The following UBE2E2 variants were observed in gnomAD, a reference collection of about 807,000 sequenced individuals.
The protein encoded by UBE2E2 is ubiquitin-conjugating enzyme E2 E2.
UBE2E2 carries 6 observed loss-of-function variants against 24.7 expected under a neutral mutation model. The observed-to-expected ratio is 0.24, with a 90% CI of 0.13 to 0.48. The LOEUF is 0.48. UBE2E2 is among the 20% of genes least tolerant of loss of function. The pLI, the probability that UBE2E2 is intolerant of heterozygous loss-of-function variation, is 0.99. For missense variants in UBE2E2, 169 were observed against 245.0 expected, an observed-to-expected ratio of 0.69 and a Z score of 2.07; for synonymous variants, 104 against 83.6, an observed-to-expected ratio of 1.24 and a Z score of -1.33.
chr3:23,454,989 T>C (rs1459725647), intron 3 of UBE2E2, among the ~76,000 whole-genome samples: 2 of 152,204 alleles, frequency 1.3e-5, no homozygotes, highest in African/African-American at 4.8e-5. Context: ...GGGGACTTGA[T>C]CCCTAAGCAG....
intron 5 of UBE2E2, among the ~76,000 whole-genome samples, chr3:23,579,361 G>A (rs1245683014): frequency 1.3e-5 from 2 of 150,406 alleles, no homozygotes; most frequent in Non-Finnish European, 3.0e-5. Context: ...CTCCAGCCTG[G>A]GCAACAGAGC....
chr3:23,333,241 T>C (rs1372701480), intron 3 of UBE2E2, among the ~76,000 whole-genome samples: 1 of 152,130 alleles, frequency 6.6e-6, no homozygotes, highest in African/African-American at 2.4e-5. Context: ...GAAGAAAGGG[T>C]TCTTTTTCAA....
At chr3:23,477,784 G>A (rs758422468) in intron 3 of UBE2E2, among the ~76,000 whole-genome samples, 8 of 152,298 alleles carry the variant, frequency 5.3e-5, no homozygotes, top group Admixed American at 2.6e-4. Context: ...AATTGTAACC[G>A]CCATAATCGA....
intron 3 of UBE2E2, among the ~76,000 whole-genome samples, chr3:23,377,738 C>A (rs994309611): frequency 6.6e-6 from 1 of 152,204 alleles, no homozygotes; most frequent in Non-Finnish European, 1.5e-5. Context: ...CTCAGTTTAT[C>A]CCCCTTAGGG....
intron 3 of UBE2E2, among the ~76,000 whole-genome samples, chr3:23,300,697 C>G (rs1699051264): frequency 6.6e-6 from 1 of 152,190 alleles, no homozygotes; most frequent in African/African-American, 2.4e-5. Flanking sequence ...CCCGACCTTT[C>G]TCTCTGGCTG....
At position 23,487,977 on chromosome 3, in the gene UBE2E2, G is replaced by A. The variant is rs143083403; in HGVS notation, c.228-11631G>A. Among the ~76,000 whole-genome samples the A allele has an allele frequency of 2.0e-3, 297 of 148,776 alleles. 3 individuals are homozygous for A. The highest frequency in any genetic ancestry group is 0.011 in the Admixed American group (171 of 14,942). ...ATGGGTCTTGGAGCTAGATGATTGT[G>A]TAAGGAATATTTAAAAAAAAAAAAA... On this transcript the variant is annotated intron_variant, in intron 3 of 5. Coordinates refer to ENST00000396703, the MANE Select transcript of UBE2E2 (RefSeq NM_152653.4).
chr3:23,205,203 T>C (rs1323422143), intron 1 of UBE2E2, among the ~76,000 whole-genome samples: 1 of 152,190 alleles, frequency 6.6e-6, no homozygotes, highest in Non-Finnish European at 1.5e-5. Flanking sequence ...TTACTTTGAG[T>C]TATGAAGTAA....
chr3:23,220,004 C>G (rs1696582014), intron 3 of UBE2E2, among the ~76,000 whole-genome samples: 1 of 152,050 alleles, frequency 6.6e-6, no homozygotes, highest in Admixed American at 6.6e-5. Flanking sequence ...TAGGTGATAT[C>G]TAGTTAAGCT....
rs35152860 is a variant in UBE2E2 at position 23,554,103 on chromosome 3, G to A, written c.508+21402G>A. On this transcript the variant is annotated intron_variant, in intron 5 of 5. Transcript: ENST00000396703. ...GAGCAATCCTGAGGTGGGGTTGAGG[G>A]GGGAAGAGATATCACACTTCCTAAT... Among the ~76,000 whole-genome samples, 3 of 152,110 alleles carry A rather than the reference G, an allele frequency of 2.0e-5. No homozygotes were observed. The South Asian group carries it at 6.2e-4, about 32-fold the overall frequency.
At chr3:23,544,659 G>A (rs1324953863) in intron 5 of UBE2E2, among the ~76,000 whole-genome samples, 1 of 148,138 alleles carries the variant, frequency 6.8e-6, no homozygotes, top group Non-Finnish European at 1.5e-5. Context: ...ACTACAAGTA[G>A]ATCTGAAGGG....
At chr3:23,348,981 C>T (rs1324416112) in intron 3 of UBE2E2, among the ~76,000 whole-genome samples, 1 of 152,130 alleles carries the variant, frequency 6.6e-6, no homozygotes, top group African/African-American at 2.4e-5. Context: ...TTTTGACTAT[C>T]CCCTGACCAC....
intron 3 of UBE2E2, among the ~76,000 whole-genome samples, chr3:23,239,670 G>C (rs769808175): frequency 2.0e-4 from 31 of 152,170 alleles, no homozygotes; most frequent in Non-Finnish European, 8.8e-5. Context: ...GAAATAAGGG[G>C]GAGAGATGAG....
chr3:23,459,158 A>G (rs1698753951), intron 3 of UBE2E2, among the ~76,000 whole-genome samples: 1 of 152,222 alleles, frequency 6.6e-6, no homozygotes, highest in African/African-American at 2.4e-5. Context: ...TATGTTTTCA[A>G]AGCCTGCCAA....
At chr3:23,577,461 C>T (rs545099257) in intron 5 of UBE2E2, among the ~76,000 whole-genome samples, 2 of 152,204 alleles carry the variant, frequency 1.3e-5, no homozygotes, top group Middle Eastern at 3.4e-3. Flanking sequence ...CTCTGCAATC[C>T]TGTGAAGGCC....
intron 3 of UBE2E2, among the ~76,000 whole-genome samples, chr3:23,229,342 C>T (rs1227236476): frequency 1.3e-5 from 2 of 152,116 alleles, no homozygotes; most frequent in Non-Finnish European, 2.9e-5. Context: ...TATTTGGTTA[C>T]ATGAGTAAAT....
At chr3:23,225,991 T>C (rs1696811109) in intron 3 of UBE2E2, among the ~76,000 whole-genome samples, 1 of 152,200 alleles carries the variant, frequency 6.6e-6, no homozygotes, top group Non-Finnish European at 1.5e-5. Context: ...GCAATTCTCT[T>C]GCCTGAGCCT....
intron 1 of UBE2E2, among the ~76,000 whole-genome samples, chr3:23,205,044 GT>G (rs1696110497): frequency 6.6e-6 from 1 of 152,172 alleles, no homozygotes; most frequent in Non-Finnish European, 1.5e-5. Context: ...TTCATTCACT[GT>G]ATGTTGCTAA....
intron 3 of UBE2E2, among the ~76,000 whole-genome samples, chr3:23,359,367 T>C (rs1696051241): frequency 6.6e-6 from 1 of 152,220 alleles, no homozygotes; most frequent in South Asian, 2.1e-4. Flanking sequence ...CAGTGAGGAC[T>C]GGAGAAATCA....
chr3:23,401,027 G>A (rs1428866429), intron 3 of UBE2E2, among the ~76,000 whole-genome samples: 1 of 152,212 alleles, frequency 6.6e-6, no homozygotes. Context: ...AGAATGACTG[G>A]TATGTTCCTT....
Sources: gnomAD v4.1 joint callset for allele counts (sites outside exome capture counted in the v4.1 genomes callset) on GRCh38, gnomAD v4.1.1 for gene constraint, MANE v1.5 for transcripts, NCBI Gene and HGNC (gene_info 2026-07-23, HGNC 2026-07-21) for gene names.